The following MFN2 variants were observed in gnomAD, a reference collection of about 807,000 sequenced individuals.
MFN2 encodes the protein mitofusin 2, also known as mitofusin-2.
A neutral mutation model predicts 87.5 loss-of-function variants in MFN2; 43 were observed. The ratio of observed to expected loss-of-function variants is 0.49; its 90% CI spans 0.38 to 0.63. MFN2 has a LOEUF of 0.63. MFN2 is among the 30% of genes least tolerant of loss of function. The probability of loss-of-function intolerance (pLI) is 0.00; values close to 1 mark genes in which losing one functional copy is unlikely to be tolerated. For synonymous variants in MFN2, 337 were observed against 359.9 expected, an observed-to-expected ratio of 0.94 and a Z score of 0.72; for missense variants, 743 against 972.8, an observed-to-expected ratio of 0.76 and a Z score of 3.14.
rs762750555 is a variant in MFN2 at position 12,009,588 on chromosome 1, C to G, written c.2070-4C>G. 8.1e-6 allele frequency: 13 copies of G among 1,614,120 alleles called. No individual in the cohort carries two copies. In the South Asian group the frequency reaches 1.4e-4, roughly 18 times the overall value. ...CAACTGGGTCCCTTCTCTCTCCTCC[C>G]CAGGGAACTGTCTGGGACCTTTGCT... is the stretch of plus-strand genomic sequence containing the variant. On this transcript the variant is annotated splice_region_variant and splice_polypyrimidine_tract_variant and intron_variant, in intron 17 of 18. Coordinates refer to ENST00000235329, the MANE Select transcript of MFN2 (RefSeq NM_014874.4).
chr1:11,998,624 T>G, intron 6 of MFN2, 146 bp from the exon 7 acceptor site: 1 of 780,122 alleles, frequency 1.3e-6, no homozygotes, highest in Non-Finnish European at 2.3e-6. Flanking sequence ...GTAAAATCCG[T>G]TAATGAGGGC....
chr1:11,993,538 A>G (rs1638783340), intron 4 of MFN2, among the ~76,000 whole-genome samples: 1 of 152,132 alleles, frequency 6.6e-6, no homozygotes, highest in Admixed American at 6.5e-5. Flanking sequence ...GATCGAGACC[A>G]TCCTGTCTAA....
rs185683789 is a variant in MFN2 at position 11,988,247 on chromosome 1, G to A, written c.-4-918G>A. On this transcript the variant is annotated intron_variant, in intron 2 of 18. Transcript: ENST00000235329. ...CTCCCAAGTAGCTGGGATTATAGGC[G>A]GCCACCACCACACCCGGCTATATTT... is the stretch of plus-strand genomic sequence containing the variant. Among the ~76,000 whole-genome samples the A allele has an allele frequency of 8.7e-3, 1,316 of 151,676 alleles. 7 individuals are homozygous for A. The highest frequency in any genetic ancestry group is 0.017 in the Middle Eastern group (5 of 294).
In MFN2 at chr1:12,001,763, T is replaced by C. The variant is rs1378523549; in HGVS notation, c.971-6T>C. The C allele has an allele frequency of 5.0e-6, 8 of 1,614,138 alleles. No individual in the cohort carries two copies. In the South Asian group the frequency reaches 8.8e-5, roughly 18 times the overall value. On this transcript the variant is annotated splice_polypyrimidine_tract_variant and splice_region_variant and intron_variant, in intron 9 of 18. Transcript: ENST00000235329. ...TTTCTGGACTAATGCAGTACAATCCTCCTAGGGGGCGCTCTCGCAGAAGGC... is the reference window on the plus strand; with the variant it reads ...TTTCTGGACTAATGCAGTACAATCCCCCTAGGGGGCGCTCTCGCAGAAGGC...
In MFN2 at chr1:12,001,494, G is replaced by A; in HGVS notation, c.910G>A (p.Val304Met). The change falls in exon 9 of 19, where the codon GTG (valine) becomes ATG (methionine). Residue 304 changes from valine to methionine, a missense_variant. Val to Met is a conservative substitution (Grantham distance 21, BLOSUM62 1). Coordinates refer to ENST00000235329, the MANE Select transcript of MFN2 (RefSeq NM_014874.4). Reference sequence around the variant, plus strand: ...CCAGGCCGGGGACCGCATCTTCTTTGTGTCTGCTAAGGAGGTGCTCAACGC... The same window carrying A: ...CCAGGCCGGGGACCGCATCTTCTTTATGTCTGCTAAGGAGGTGCTCAACGC... ...RSQAGDRIFF[V>M]SAKEVLNARI... The A allele has an allele frequency of 6.2e-7, 1 of 1,614,182 alleles. No individual in the cohort carries two copies. Among genetic ancestry groups the A allele is most frequent in the Non-Finnish European group, 8.5e-7 (1 of 1,180,010 alleles).
rs189338196 is a variant in MFN2 at position 12,003,250 on chromosome 1, C to T, written c.1161-742C>T. On this transcript the variant is annotated intron_variant, in intron 11 of 18. Transcript: ENST00000235329. The surrounding 1 kb of genome is among the most constrained non-coding windows in gnomAD (Gnocchi z 4.1). ...TCAGTTTTCTTGATGCTCTTCAGAA[C>T]AGCCGTACCCATTCATTGCATGACC... Among the ~76,000 whole-genome samples, 18 of 152,328 alleles carry T rather than the reference C, an allele frequency of 1.2e-4. No homozygotes were observed. The highest frequency in any genetic ancestry group is 2.4e-4 in the Non-Finnish European group (16 of 68,038).
chr1:11,992,967 C>CTTTTTT lies in MFN2; in HGVS notation c.311+284_311+289dup, dbSNP rs35911686. 1.1e-3 allele frequency among the ~76,000 whole-genome samples: 158 copies of CTTTTTT among 143,998 alleles called. 2 individuals carry two copies. The highest frequency in any genetic ancestry group is 7.0e-3 in the Middle Eastern group (2 of 286). The allele number at this position is 143,998 out of a possible 152,430, so 94.5% of individuals were successfully genotyped here. ...TGCAGGTGCATGCCATCAAGCCTGACTTTTTTTTTTTTATTTTCTAATTAA... is the reference window on the plus strand; with the variant it reads ...TGCAGGTGCATGCCATCAAGCCTGACTTTTTTTTTTTTTTTTTTATTTTCTAATTAA... On this transcript the variant is annotated intron_variant, in intron 4 of 18. Coordinates refer to ENST00000235329, the MANE Select transcript of MFN2 (RefSeq NM_014874.4).
intron 11 of MFN2, among the ~76,000 whole-genome samples, chr1:12,002,938 C>T (rs1324587834): frequency 1.3e-5 from 2 of 152,208 alleles, no homozygotes; most frequent in Admixed American, 6.5e-5. Context: ...TGGCATCACA[C>T]TGTCTGTCAC....
intron 15 of MFN2, 133 bp from the exon 16 acceptor site, chr1:12,006,405 G>A: frequency 8.5e-7 from 1 of 1,176,720 alleles, no homozygotes; most frequent in Non-Finnish European, 1.2e-6. Flanking sequence ...GAAGCTAGTT[G>A]TCCCCTTTTT....
chr1:11,997,665 A>G (rs1638970582), intron 6 of MFN2, among the ~76,000 whole-genome samples: 1 of 152,052 alleles, frequency 6.6e-6, no homozygotes, highest in Non-Finnish European at 1.5e-5. Context: ...GGGATGCTCA[A>G]AAGTTGGTGG....
In MFN2 at chr1:12,004,110, G is replaced by A; in HGVS notation, c.1279G>A (p.Glu427Lys). 2 of 1,614,102 alleles carry A rather than the reference G, an allele frequency of 1.2e-6. No individual in the cohort carries two copies. Among genetic ancestry groups the A allele is most frequent in the African/African-American group, 1.3e-5 (1 of 75,068 alleles). Reference sequence around the variant, plus strand: ...AATTAAGCAGATTACGGAGGAAGTGGAGAGGCAGGTGAGAAATGAGGAGGA... The same window carrying A: ...AATTAAGCAGATTACGGAGGAAGTGAAGAGGCAGGTGAGAAATGAGGAGGA... ...LRIKQITEEVERQVSTAMAEE... is the reference protein window; with the variant it reads ...LRIKQITEEVKRQVSTAMAEE... The change falls in exon 12 of 19, where the codon GAG becomes AAG. Residue 427 changes from glutamate (E) to lysine (K), a missense_variant. By Grantham distance (56) the Glu-to-Lys change is moderately conservative. Coordinates refer to ENST00000235329, the MANE Select transcript of MFN2 (RefSeq NM_014874.4). This position sits in a 1 kb window ranked among gnomAD's most constrained non-coding sequence, Gnocchi z 4.2.
chr1:12,000,961 T>TG (rs1249013708), intron 8 of MFN2, among the ~76,000 whole-genome samples: 1 of 152,130 alleles, frequency 6.6e-6, no homozygotes, highest in East Asian at 1.9e-4. Context: ...AGCAGAATAG[T>TG]GGGGGACATT....
At chr1:11,996,013 C>T (rs1356712700) in intron 4 of MFN2, 143 bp from the exon 5 acceptor site, 20 of 994,004 alleles carry the variant, frequency 2.0e-5, no homozygotes, top group Non-Finnish European at 3.2e-5. Flanking sequence ...TAAACAGTGC[C>T]TACTCTTTGT....
chr1:12,006,743 G>A (rs767234020), intron 16 of MFN2, 50 bp downstream of exon 16: 15 of 1,609,096 alleles, frequency 9.3e-6, no homozygotes, highest in Admixed American at 1.7e-5. Flanking sequence ...GCAGGTGGGC[G>A]GGGCCTGAGG....
intron 6 of MFN2, among the ~76,000 whole-genome samples, chr1:11,998,093 AG>A (rs1288358793): frequency 6.6e-6 from 1 of 150,452 alleles, no homozygotes; most frequent in East Asian, 2.0e-4. Flanking sequence ...CATGTTGGCC[AG>A]GCTGGTCTTG....
intron 8 of MFN2, 35 bp downstream of exon 8, chr1:11,999,130 A>G (rs754344964): frequency 2.9e-5 from 46 of 1,574,480 alleles, no homozygotes; most frequent in Non-Finnish European, 4.4e-6. Context: ...GGGGAATGCA[A>G]CCCCGAGGGA....
chr1:11,998,286 G>A (rs1336808836), intron 6 of MFN2, among the ~76,000 whole-genome samples: 1 of 151,954 alleles, frequency 6.6e-6, no homozygotes, highest in East Asian at 1.9e-4. Context: ...GGTGGCTCAT[G>A]CCTGTAATCC....
At chr1:11,999,209 G>A (rs1480273104) in intron 8 of MFN2, 114 bp downstream of exon 8, 1 of 876,430 alleles carries the variant, frequency 1.1e-6, no homozygotes, top group Non-Finnish European at 1.9e-6. Flanking sequence ...TAATTTTATT[G>A]CCAAAGAATT....
At chr1:12,001,303 A>G in intron 8 of MFN2, 98 bp from the exon 9 acceptor site, 3 of 1,521,470 alleles carry the variant, frequency 2.0e-6, no homozygotes, top group Non-Finnish European at 1.8e-6. Context: ...GTCAGCCACC[A>G]TGCCCAGCCT....
Sources: allele counts gnomAD v4.1 joint callset (sites outside exome capture counted in the v4.1 genomes callset), GRCh38; gene constraint gnomAD v4.1.1; non-coding constraint Gnocchi (gnomAD v3.1); transcripts MANE v1.5; gene names NCBI Gene and HGNC (gene_info 2026-07-23, HGNC 2026-07-21).